EFHC2: variants seen among roughly 807,000 people sequenced by gnomAD.
EFHC2 encodes EF-hand domain containing 2.
Under a neutral mutation model 52.7 loss-of-function variants are expected in EFHC2, and 18 were observed. The ratio of observed to expected loss-of-function variants is 0.34; its 90% CI spans 0.24 to 0.51. The LOEUF (loss-of-function observed/expected upper bound fraction) is 0.51. EFHC2 is among the 20% of genes least tolerant of loss of function. The pLI, the probability that EFHC2 is intolerant of heterozygous loss-of-function variation, is 0.97. For synonymous variants in EFHC2, 203 were observed against 204.1 expected, an observed-to-expected ratio of 0.99 and a Z score of 0.04; for missense variants, 513 against 562.5, an observed-to-expected ratio of 0.91 and a Z score of 0.89.
At chrX:44,280,973 G>A in intron 2 of EFHC2, among the ~76,000 whole-genome samples, 1 of 111,506 alleles carries the variant, frequency 9.0e-6, no homozygotes, top group Admixed American at 9.5e-5. Flanking sequence ...AGGCTGGAGT[G>A]CAGTGGTGTG....
At chrX:44,272,868 G>GA (rs1235883859) in intron 2 of EFHC2, 32 bp from the exon 3 acceptor site, 2 of 1,101,154 alleles carry the variant, frequency 1.8e-6, no homozygotes, top group Non-Finnish European at 2.4e-6. Flanking sequence ...ACTAAGAAAT[G>GA]AAAAGAAAAT....
At chrX:44,194,598 G>A (rs185187240) in intron 11 of EFHC2, among the ~76,000 whole-genome samples, 1 of 111,925 alleles carries the variant, frequency 8.9e-6, no homozygotes, top group East Asian at 2.8e-4. Flanking sequence ...AAACTTAGGT[G>A]GCTCTAAATC....
intron 13 of EFHC2, among the ~76,000 whole-genome samples, chrX:44,165,561 G>A (rs1280171618): frequency 8.9e-6 from 1 of 111,977 alleles, no homozygotes; most frequent in Non-Finnish European, 1.9e-5. Context: ...AATTAAAGAT[G>A]TCTCATAATA....
At chrX:44,247,952 A>G (rs187238588) in intron 7 of EFHC2, among the ~76,000 whole-genome samples, 386 of 111,733 alleles carry the variant, frequency 3.5e-3, no homozygotes, top group African/African-American at 0.012. Context: ...TTCCATTTCG[A>G]TTGCTAAACC....
At chrX:44,197,249 A>G (rs189704116) in intron 11 of EFHC2, among the ~76,000 whole-genome samples, 39 of 111,993 alleles carry the variant, frequency 3.5e-4, no homozygotes, top group African/African-American at 1.2e-3. Context: ...CTATTAAGTG[A>G]GTGAAAATTG....
intron 3 of EFHC2, among the ~76,000 whole-genome samples, chrX:44,264,385 CTGCTATGGCAA>C (rs2147347383): frequency 8.9e-6 from 1 of 112,147 alleles, no homozygotes; most frequent in African/African-American, 3.2e-5. Context: ...TGCCCACCCA[CTGCTATGGCAA>C]TGCACCCTGC....
chrX:44,208,416 T>C (rs1003808717), intron 11 of EFHC2, among the ~76,000 whole-genome samples: 5 of 111,795 alleles, frequency 4.5e-5, no homozygotes, highest in Non-Finnish European at 9.4e-5. Context: ...ATATTGTCAC[T>C]TGTAAGTGGG....
intron 4 of EFHC2, among the ~76,000 whole-genome samples, chrX:44,251,780 G>T (rs1460912979): frequency 9.2e-6 from 1 of 108,902 alleles, no homozygotes; most frequent in African/African-American, 3.3e-5. Flanking sequence ...TTGCCTCTGG[G>T]TAGGGAATTT....
chrX:44,296,217 GA>G, intron 2 of EFHC2, among the ~76,000 whole-genome samples: 1 of 111,447 alleles, frequency 9.0e-6, no homozygotes, highest in Non-Finnish European at 1.9e-5. Context: ...AGGGTATGTG[GA>G]AAAGGAGAAA....
intron 11 of EFHC2, among the ~76,000 whole-genome samples, chrX:44,189,290 T>TAGGAACTTGGTTCCCATTTTACTGATG (rs2036902119): frequency 9.0e-6 from 1 of 111,496 alleles, no homozygotes; most frequent in African/African-American, 3.3e-5. Flanking sequence ...ATCCTTTCAG[T>TAGGAACTTGGTTCCCATTTTACTGATG]AGGAACTTGG....
At position 44,221,049 on chromosome X, in the gene EFHC2, T is replaced by C. The variant is rs1461439001; in HGVS notation, c.1751+8600A>G. ...AAGTGGAAATAATATTTCATCATTGTTTCAGTTTGTGTCATTATTGGGCAT... is the reference window on the plus strand; with the variant it reads ...AAGTGGAAATAATATTTCATCATTGCTTCAGTTTGTGTCATTATTGGGCAT... On this transcript the variant is annotated intron_variant, in intron 11 of 14. Transcript: ENST00000420999. Among the ~76,000 whole-genome samples the C allele has an allele frequency of 4.5e-5, 5 of 112,134 alleles. No homozygotes were observed. The East Asian group carries it at 1.4e-3, about 31-fold the overall frequency.
intron 2 of EFHC2, among the ~76,000 whole-genome samples, chrX:44,294,083 G>A (rs994203925): frequency 9.0e-6 from 1 of 111,489 alleles, no homozygotes; most frequent in Admixed American, 9.5e-5. Flanking sequence ...AATCTATACT[G>A]TAGGTGAAGG....
At chrX:44,277,332 C>T (rs912619055) in intron 2 of EFHC2, among the ~76,000 whole-genome samples, 2 of 109,914 alleles carry the variant, frequency 1.8e-5, no homozygotes, top group Non-Finnish European at 3.8e-5. Flanking sequence ...GACAAAACAT[C>T]GGCAATGTTC....
chrX:44,256,689 C>T (rs1003019595), intron 4 of EFHC2, among the ~76,000 whole-genome samples: 6 of 111,297 alleles, frequency 5.4e-5, no homozygotes, highest in Middle Eastern at 9.2e-3. Flanking sequence ...GGATTCACAG[C>T]CAAATTCTAC....
intron 13 of EFHC2, among the ~76,000 whole-genome samples, chrX:44,175,767 G>C (rs1446422098): frequency 9.0e-6 from 1 of 111,611 alleles, no homozygotes; most frequent in African/African-American, 3.3e-5. Context: ...GAGTCTAGGT[G>C]GCTGAGAGGG....
intron 1 of EFHC2, among the ~76,000 whole-genome samples, chrX:44,319,204 C>A (rs1024624571): frequency 9.1e-5 from 10 of 109,606 alleles, no homozygotes; most frequent in African/African-American, 3.3e-4. Context: ...GGTTTCACCA[C>A]GTTGGCCAGG....
At chrX:44,277,103 CA>C (rs1013097296) in intron 2 of EFHC2, among the ~76,000 whole-genome samples, 1 of 109,683 alleles carries the variant, frequency 9.1e-6, no homozygotes, top group Non-Finnish European at 1.9e-5. Flanking sequence ...ACTAAAAATA[CA>C]AAAAATTAGC....
chrX:44,167,132 T>A (rs1409203407), intron 13 of EFHC2, among the ~76,000 whole-genome samples: 2 of 111,962 alleles, frequency 1.8e-5, no homozygotes, highest in Non-Finnish European at 3.8e-5. Flanking sequence ...TCTGATTACA[T>A]CTCCTCACTT....
chrX:44,211,732 C>T (rs1429792264), intron 11 of EFHC2, among the ~76,000 whole-genome samples: 14 of 105,792 alleles, frequency 1.3e-4, no homozygotes, highest in Non-Finnish European at 3.9e-5. Flanking sequence ...ATTAGCTGGG[C>T]GTGGTGGCGG....
Sources: allele counts gnomAD v4.1 joint callset (sites outside exome capture counted in the v4.1 genomes callset), GRCh38; gene constraint gnomAD v4.1.1; transcripts MANE v1.5; gene names NCBI Gene and HGNC (gene_info 2026-07-23, HGNC 2026-07-21).